CMSS1: variants seen among roughly 807,000 people sequenced by gnomAD.
CMSS1 encodes the protein protein CMSS1.
Under a neutral mutation model 43.5 loss-of-function variants are expected in CMSS1, and 33 were observed. The observed-to-expected ratio is 0.76, with a 90% CI of 0.57 to 1.01. The LOEUF is 1.01. CMSS1 is among the 50% of genes least tolerant of loss of function. CMSS1 has a pLI of 0.00. For missense variants in CMSS1, 313 were observed against 326.4 expected, an observed-to-expected ratio of 0.96 and a Z score of 0.32; for synonymous variants, 115 against 117.2, an observed-to-expected ratio of 0.98 and a Z score of 0.12.
At chr3:100,111,606 A>G (rs577866459) in intron 1 of CMSS1, among the ~76,000 whole-genome samples, 26 of 152,308 alleles carry the variant, frequency 1.7e-4, no homozygotes, top group African/African-American at 5.8e-4. Context: ...CTTTCAGTGT[A>G]GGCTCCAGTG....
intron 1 of CMSS1, among the ~76,000 whole-genome samples, chr3:99,950,688 C>T (rs1708150088): frequency 6.6e-6 from 1 of 152,148 alleles, no homozygotes; most frequent in Non-Finnish European, 1.5e-5. Context: ...TGGAGGCAGC[C>T]CACGATTCTC....
At chr3:100,140,235 A>G (rs2066793998) in intron 1 of CMSS1, among the ~76,000 whole-genome samples, 2 of 151,734 alleles carry the variant, frequency 1.3e-5, no homozygotes, top group African/African-American at 2.4e-5. Context: ...AATCTTCCTC[A>G]CTATCCTTGC....
intron 1 of CMSS1, among the ~76,000 whole-genome samples, chr3:99,983,456 ATATG>A (rs1179013413): frequency 6.1e-3 from 60 of 9,834 alleles, no homozygotes; most frequent in Admixed American, 0.039. Context: ...GTATATATAT[ATATG>A]TGTGTATATA....
chr3:100,028,937 A>G (rs917425983), intron 1 of CMSS1, among the ~76,000 whole-genome samples: 2 of 152,170 alleles, frequency 1.3e-5, no homozygotes, highest in African/African-American at 2.4e-5. Flanking sequence ...AAACATATAC[A>G]TATATATCCT....
chr3:99,831,024 A>G (rs1942653250), intron 1 of CMSS1, among the ~76,000 whole-genome samples: 1 of 152,166 alleles, frequency 6.6e-6, no homozygotes, highest in South Asian at 2.1e-4. Flanking sequence ...TTTTCACAGT[A>G]TGAGTGAGAT....
chr3:99,844,676 C>T (rs1422874976), intron 1 of CMSS1, among the ~76,000 whole-genome samples: 1 of 152,140 alleles, frequency 6.6e-6, no homozygotes, highest in Non-Finnish European at 1.5e-5. Flanking sequence ...TCACAGCTCC[C>T]CTAATTTTAT....
intron 1 of CMSS1, chr3:100,040,552 C>G (rs141478878): frequency 6.6e-6 from 1 of 152,226 alleles, no homozygotes; most frequent in East Asian, 1.9e-4. Flanking sequence ...CTTTTTCCCC[C>G]CTTCCTTTTT....
intron 1 of CMSS1, among the ~76,000 whole-genome samples, chr3:99,965,909 A>C (rs1295493296): frequency 6.6e-6 from 1 of 152,088 alleles, no homozygotes; most frequent in African/African-American, 2.4e-5. Context: ...CCATTTCTGT[A>C]CATAAGGCAG....
Position 100,179,275 on chromosome 3 carries a change from C to G in CMSS1, c.*887C>G, listed in dbSNP as rs2067170848. On this transcript the variant is annotated 3_prime_UTR_variant, in exon 10 of 10. Transcript: ENST00000421999. ...CATGTTCTTCTCACATTTCAAAACA[C>G]AATCATGCCTTCTCAACAGTCCCCC... The G allele has an allele frequency of 6.6e-6, 1 of 152,254 alleles. No individual in the cohort carries two copies. Among genetic ancestry groups the G allele is most frequent in the Admixed American group, 6.5e-5 (1 of 15,282 alleles). The allele number at this position is 152,254 out of a possible 1,614,324, so 9.4% of individuals were successfully genotyped here. A position where few individuals can be genotyped will look rare whatever the true frequency, so the allele number is the denominator to read the frequency against.
intron 1 of CMSS1, among the ~76,000 whole-genome samples, chr3:100,131,999 AATAGAG>A (rs2107500067): frequency 6.6e-6 from 1 of 152,388 alleles, no homozygotes; most frequent in South Asian, 2.1e-4. Flanking sequence ...TGTACTTTGA[AATAGAG>A]ATAATTTTTC....
At chr3:100,020,995 G>C (rs1303652748) in intron 1 of CMSS1, among the ~76,000 whole-genome samples, 1 of 152,082 alleles carries the variant, frequency 6.6e-6, no homozygotes, top group East Asian at 1.9e-4. Context: ...CTGATCTCTT[G>C]ACCTTGTGAT....
intron 1 of CMSS1, among the ~76,000 whole-genome samples, chr3:99,988,351 A>C (rs1309392595): frequency 3.3e-5 from 5 of 149,880 alleles, no homozygotes; most frequent in South Asian, 2.1e-4. Flanking sequence ...CAAAAAAAAA[A>C]AAAAAAAAAA....
chr3:100,106,461 G>A (rs1322716647), intron 1 of CMSS1, among the ~76,000 whole-genome samples: 1 of 152,092 alleles, frequency 6.6e-6, no homozygotes, highest in African/African-American at 2.4e-5. Context: ...CAGAAATGAG[G>A]GTAATGGTGG....
intron 3 of CMSS1, 33 bp downstream of exon 3, chr3:100,160,534 C>A: frequency 9.5e-7 from 1 of 1,051,768 alleles, no homozygotes; most frequent in Non-Finnish European, 1.4e-6. Context: ...TTTGTATGGC[C>A]CCACATGGTT....
chr3:100,042,764 C>G (rs1379522002), intron 1 of CMSS1, among the ~76,000 whole-genome samples: 1 of 152,118 alleles, frequency 6.6e-6, no homozygotes, highest in Non-Finnish European at 1.5e-5. Context: ...TTCTTCCACA[C>G]AAAGGGACAA....
chr3:99,966,609 G>T (rs1006346093), intron 1 of CMSS1, among the ~76,000 whole-genome samples: 1 of 152,018 alleles, frequency 6.6e-6, no homozygotes. Context: ...AGAACCCTTC[G>T]CTCTGTATAT....
chr3:100,097,443 G>T (rs1211270261), intron 1 of CMSS1, among the ~76,000 whole-genome samples: 5 of 152,164 alleles, frequency 3.3e-5, no homozygotes, highest in Admixed American at 3.3e-4. Context: ...TATCTGAAGG[G>T]AGTCCTGGAA....
At position 100,156,901 on chromosome 3, in the gene CMSS1, C is replaced by G. The variant is rs900364303; in HGVS notation, c.154-3529C>G. Among the ~76,000 whole-genome samples the G allele has an allele frequency of 5.9e-5, 9 of 152,310 alleles. No homozygotes were observed. The East Asian group carries it at 1.7e-3, about 29-fold the overall frequency. Reference sequence around the variant, plus strand: ...AAGTGCTGGGATTACAGGTGTGAGCCACCACGCCTGGCTGTTTTTTGTTGT... The same window carrying G: ...AAGTGCTGGGATTACAGGTGTGAGCGACCACGCCTGGCTGTTTTTTGTTGT... On this transcript the variant is annotated intron_variant, in intron 2 of 9. Coordinates refer to ENST00000421999, the MANE Select transcript of CMSS1 (RefSeq NM_032359.4).
chr3:100,050,888 A>T (rs1246614114), intron 1 of CMSS1, among the ~76,000 whole-genome samples: 1 of 152,170 alleles, frequency 6.6e-6, no homozygotes, highest in African/African-American at 2.4e-5. Context: ...TGTGAGACAC[A>T]TTCTTTGGGA....
Sources: gnomAD v4.1 joint callset for allele counts (sites outside exome capture counted in the v4.1 genomes callset) on GRCh38, gnomAD v4.1.1 for gene constraint, MANE v1.5 for transcripts, NCBI Gene and HGNC (gene_info 2026-07-23, HGNC 2026-07-21) for gene names.